Variants in MYH11 observed in about 807,000 individuals in gnomAD.
MYH11 encodes myosin-11.
MYH11 carries 80 observed loss-of-function variants against 246.6 expected under a neutral mutation model. The observed-to-expected ratio is 0.32, with a 90% confidence interval of 0.27 to 0.39. The LOEUF (loss-of-function observed/expected upper bound fraction) is 0.39, where lower values mean the gene tolerates loss of function less well. MYH11 is among the 10% of genes least tolerant of loss of function. MYH11 has a pLI of 1.00. For synonymous variants in MYH11, 1,071 were observed against 1,015.5 expected (o/e 1.05, Z -1.04); for missense variants, 2,158 against 2,546.8 (o/e 0.85, Z 3.29).
chr16:15,786,028 C>T (rs1034129661), intron 5 of MYH11: 6 of 237,682 alleles, frequency 2.5e-5, no homozygotes, highest in South Asian at 6.3e-5. Context: ...CTGAAGCCCA[C>T]GGGCCGAGTG....
In MYH11 at chr16:15,740,069, C is replaced by G. The variant is rs780308043; in HGVS notation, c.2979G>C (p.Gln993His). The part of the protein sequence containing the change: ...LEDEILVMDD[Q>H]NNKLSKERKL... ...TACTCACTTTTGATAGTTTATTGTT[C>G]TGATCATCCATGACCAGGATCTCAT... Residue 993 changes from glutamine to histidine, a missense_variant, in exon 23 of 41, where the codon CAG (glutamine) becomes CAC (histidine). Transcript: ENST00000300036. The G allele has an allele frequency of 6.2e-7, 1 of 1,614,178 alleles. No homozygotes were observed. The highest frequency in any genetic ancestry group is 8.5e-7 in the Non-Finnish European group (1 of 1,180,030).
intron 3 of MYH11, among the ~76,000 whole-genome samples, chr16:15,812,495 T>TC (rs2043160807): frequency 1.6e-5 from 2 of 123,000 alleles, no homozygotes; most frequent in African/African-American, 6.5e-5. Flanking sequence ...GGCAGGAGGA[T>TC]CACTTGAGGC....
intron 27 of MYH11, among the ~76,000 whole-genome samples, chr16:15,731,112 G>T (rs752248855): frequency 2.0e-5 from 3 of 152,114 alleles, no homozygotes; most frequent in Non-Finnish European, 4.4e-5. Flanking sequence ...GGCATGAGCC[G>T]CCATGCCTGG....
At chr16:15,791,972 C>T (rs1163598027) in intron 4 of MYH11, 1 of 152,144 alleles carries the variant, frequency 6.6e-6, no homozygotes, top group Non-Finnish European at 1.5e-5. Context: ...CCATGCCTGA[C>T]CTTTTATATG....
At chr16:15,704,637 A>G (rs1184341185) in intron 40 of MYH11, among the ~76,000 whole-genome samples, 1 of 152,184 alleles carries the variant, frequency 6.6e-6, no homozygotes, top group Non-Finnish European at 1.5e-5. Context: ...TGAAATGGAC[A>G]AGGGCAGCCT....
chr16:15,806,520 C>G (rs2043018656), intron 3 of MYH11, among the ~76,000 whole-genome samples: 1 of 152,024 alleles, frequency 6.6e-6, no homozygotes. Context: ...GCTGCATAAC[C>G]ATGTAAATTA....
intron 3 of MYH11, among the ~76,000 whole-genome samples, chr16:15,808,953 A>G (rs2043076173): frequency 6.6e-6 from 1 of 152,106 alleles, no homozygotes; most frequent in Non-Finnish European, 1.5e-5. Context: ...GGTGTAGGAG[A>G]CAGGAAAACC....
chr16:15,770,866 C>T (rs2151290464), intron 9 of MYH11, among the ~76,000 whole-genome samples: 1 of 152,266 alleles, frequency 6.6e-6, no homozygotes, highest in Non-Finnish European at 1.5e-5. Flanking sequence ...TGGAACCCAG[C>T]TATGTTGCTG....
At chr16:15,754,916 C>T (rs1335607765) in intron 14 of MYH11, among the ~76,000 whole-genome samples, 2 of 152,196 alleles carry the variant, frequency 1.3e-5, no homozygotes, top group African/African-American at 4.8e-5. Flanking sequence ...AAACTGCTGA[C>T]CTCAAGTAAT....
chr16:15,783,615 G>A (rs760115726), intron 5 of MYH11: 31 of 152,292 alleles, frequency 2.0e-4, no homozygotes, highest in Non-Finnish European at 3.7e-4. Context: ...AATTTACAAG[G>A]AGCACCACGG....
chr16:15,784,093 C>T (rs2042414292), intron 5 of MYH11, among the ~76,000 whole-genome samples: 1 of 152,126 alleles, frequency 6.6e-6, no homozygotes, highest in South Asian at 2.1e-4. Flanking sequence ...CCTTACCGCG[C>T]CACCAAAGCT....
intron 40 of MYH11, among the ~76,000 whole-genome samples, chr16:15,708,146 T>C (rs2039566637): frequency 6.6e-6 from 1 of 152,060 alleles, no homozygotes; most frequent in South Asian, 2.1e-4. Flanking sequence ...GTGGTCAGCT[T>C]CCACCCCGTG....
intron 2 of MYH11, among the ~76,000 whole-genome samples, chr16:15,831,038 A>G (rs114508697): frequency 0.047 from 7,103 of 152,190 alleles, 498 homozygotes; most frequent in African/African-American, 0.15. Context: ...TGGGTGTGGT[A>G]GTACACGCCT....
At chr16:15,813,627 T>C (rs1010524330) in intron 3 of MYH11, among the ~76,000 whole-genome samples, 3 of 152,140 alleles carry the variant, frequency 2.0e-5, no homozygotes, top group African/African-American at 7.2e-5. Context: ...GATGGTAGGC[T>C]GAGTGCATGC....
rs755935176 is a variant in MYH11 at position 15,838,190 on chromosome 16, G to A, written c.63C>T (p.Ile21=). 2.5e-5 allele frequency: 40 copies of A among 1,614,000 alleles called. No individual in the cohort carries two copies. The highest frequency in any genetic ancestry group is 4.0e-5 in the African/African-American group (3 of 74,902). ...EKFLFVDKNF[I]NSPVAQADWA... Reference sequence around the variant, plus strand: ...AGTCAGCCTGGGCCACTGGGCTGTTGATGAAGTTTTTGTCCACAAAGAGGA... The same window carrying A: ...AGTCAGCCTGGGCCACTGGGCTGTTAATGAAGTTTTTGTCCACAAAGAGGA... The change falls in exon 2 of 41, where the codon ATC becomes ATT. Residue 21 remains isoleucine, a synonymous_variant. Coordinates refer to ENST00000300036, the MANE Select transcript of MYH11 (RefSeq NM_002474.3).
chr16:15,784,610 G>T, intron 5 of MYH11: 1 of 1,422,490 alleles, frequency 7.0e-7, no homozygotes, highest in East Asian at 2.3e-5. Context: ...CACCAGCTAC[G>T]GGACTCGGTG....
At chr16:15,844,799 A>G (rs890614950) in intron 1 of MYH11, among the ~76,000 whole-genome samples, 2 of 152,188 alleles carry the variant, frequency 1.3e-5, no homozygotes, top group Non-Finnish European at 2.9e-5. Context: ...GCAGTGAGCT[A>G]TGATTACATC....
chr16:15,798,017 T>C (rs892860951), intron 4 of MYH11, among the ~76,000 whole-genome samples: 2 of 152,216 alleles, frequency 1.3e-5, no homozygotes, highest in Non-Finnish European at 2.9e-5. Context: ...ATACCCATTA[T>C]GTAATAAATA....
chr16:15,745,582 C>CTTTTTT (rs71981525), intron 19 of MYH11, among the ~76,000 whole-genome samples: 11 of 94,398 alleles, frequency 1.2e-4, no homozygotes, highest in African/African-American at 1.2e-4. Flanking sequence ...TTCTTTCTTT[C>CTTTTTT]TTTTTTTTTT....
Sources: allele counts gnomAD v4.1 joint callset (sites outside exome capture counted in the v4.1 genomes callset), GRCh38; gene constraint gnomAD v4.1.1; transcripts MANE v1.5; gene names NCBI Gene and HGNC (gene_info 2026-07-23, HGNC 2026-07-21).